BRCC3: variants seen among roughly 807,000 people sequenced by gnomAD.
BRCC3 encodes BRCA1/BRCA2-containing complex subunit 3, also known as lys-63-specific deubiquitinase BRCC36.
A neutral mutation model predicts 28.0 loss-of-function variants in BRCC3; 15 were observed. The ratio of observed to expected loss-of-function variants is 0.54; its 90% CI spans 0.36 to 0.82. The LOEUF (loss-of-function observed/expected upper bound fraction) is 0.82. BRCC3 is among the 40% of genes least tolerant of loss of function. BRCC3 has a pLI of 0.01. For synonymous variants in BRCC3, 66 were observed against 80.3 expected (o/e 0.82, Z 0.95); for missense variants, 109 against 225.9 (o/e 0.48, Z 3.32).
At chrX:155,082,115 G>A (rs2074089481) in intron 5 of BRCC3, among the ~76,000 whole-genome samples, 1 of 112,091 alleles carries the variant, frequency 8.9e-6, no homozygotes, top group Non-Finnish European at 1.9e-5. Flanking sequence ...AGGTTAAGCT[G>A]TATGGGGAAA....
intron 7 of BRCC3, among the ~76,000 whole-genome samples, chrX:155,115,060 T>C (rs2074345712): frequency 8.9e-6 from 1 of 112,159 alleles, no homozygotes; most frequent in Non-Finnish European, 1.9e-5. Context: ...TGGAAGATGA[T>C]GGGGTGACAT....
At chrX:155,116,594 T>C (rs1260282306) in intron 8 of BRCC3, 117 bp from the exon 9 acceptor site, 5 of 424,847 alleles carry the variant, frequency 1.2e-5, no homozygotes, top group Non-Finnish European at 2.0e-5. Flanking sequence ...GAAGTTGATA[T>C]TGGGGATTTA....
chrX:155,108,886 T>C (rs2074300860), intron 7 of BRCC3, among the ~76,000 whole-genome samples: 1 of 111,894 alleles, frequency 8.9e-6, no homozygotes, highest in African/African-American at 3.2e-5. Flanking sequence ...CAAATTATCT[T>C]TTTATCTTTT....
intron 3 of BRCC3, among the ~76,000 whole-genome samples, chrX:155,075,855 C>T (rs2074036335): frequency 1.8e-5 from 2 of 111,815 alleles, no homozygotes; most frequent in African/African-American, 3.3e-5. Flanking sequence ...TGCCATTTCA[C>T]CTCAAGCTCT....
chrX:155,076,581 C>T (rs2074045940), intron 3 of BRCC3, among the ~76,000 whole-genome samples: 1 of 110,135 alleles, frequency 9.1e-6, no homozygotes, highest in Non-Finnish European at 1.9e-5. Context: ...GGGGGAAGTG[C>T]CACACTTTTA....
At chrX:155,076,143 G>C (rs1557293595) in intron 3 of BRCC3, among the ~76,000 whole-genome samples, 1 of 112,047 alleles carries the variant, frequency 8.9e-6, no homozygotes, top group Non-Finnish European at 1.9e-5. Context: ...GGGTGCGGTG[G>C]GTTATGCCTG....
chrX:155,072,139 T>C (rs1412493203), intron 1 of BRCC3, among the ~76,000 whole-genome samples, 188 bp from the exon 2 acceptor site: 1 of 112,046 alleles, frequency 8.9e-6, no homozygotes, highest in Non-Finnish European at 1.9e-5. Flanking sequence ...AAGTTTCCGC[T>C]GCATTGTGTT....
rs2074388501 is a variant in BRCC3 at position 155,121,574 on chromosome X, A to G, written c.*370A>G. On this transcript the variant is annotated 3_prime_UTR_variant, in exon 11 of 11. Transcript: ENST00000330045. ...TTATATAAAATTTAACTCAAAATGT[A>G]TAACGGACTTAAATGTGATACATAA... The G allele has an allele frequency of 8.9e-6, 1 of 112,437 alleles. No homozygotes were observed. Among genetic ancestry groups the G allele is most frequent in the African/African-American group, 3.2e-5 (1 of 30,966 alleles). 9.3% of individuals were successfully genotyped at this position (112,437 alleles called of 1,213,427 possible).
At chrX:155,111,067 T>C (rs782572256) in intron 7 of BRCC3, among the ~76,000 whole-genome samples, 12 of 111,703 alleles carry the variant, frequency 1.1e-4, no homozygotes, top group Non-Finnish European at 2.3e-4. Flanking sequence ...GACACTTATG[T>C]TGGAAATATC....
intron 5 of BRCC3, among the ~76,000 whole-genome samples, chrX:155,080,769 G>C (rs182398531): frequency 8.9e-6 from 1 of 112,021 alleles, no homozygotes; most frequent in African/African-American, 3.2e-5. Context: ...CTATGCCTCT[G>C]TAGTTTCCTC....
chrX:155,093,384 C>T (rs1305559265), intron 7 of BRCC3, among the ~76,000 whole-genome samples: 5 of 109,613 alleles, frequency 4.6e-5, no homozygotes, highest in Admixed American at 1.9e-4. Flanking sequence ...CAATTACTTC[C>T]GTTACTCCCC....
In BRCC3 at chrX:155,077,289, G is replaced by C. The variant is rs2074051953; in HGVS notation, c.315G>C (p.Glu105Asp). ...TGTCTGCAGCTTCAACAGAGGCAGA[G>C]ATATCCTTACTGGTCAATAGAAGCT... is the stretch of plus-strand genomic sequence containing the variant. ...EQLSAASTEA[E>D]RLAELTGRPM... Residue 105 changes from glutamate (E) to aspartate (D), a missense_variant and splice_region_variant, in exon 4 of 11, where the codon GAG becomes GAC. Physicochemically the swap from Glu to Asp is conservative, Grantham distance 45 (BLOSUM62 2). Transcript: ENST00000330045. 8.5e-7 allele frequency: 1 copy of C among 1,176,079 alleles called. No individual in the cohort carries two copies. Among genetic ancestry groups the C allele is most frequent in the African/African-American group, 1.8e-5 (1 of 56,341 alleles).
intron 7 of BRCC3, among the ~76,000 whole-genome samples, chrX:155,111,908 C>T: frequency 8.9e-6 from 1 of 111,740 alleles, no homozygotes; most frequent in African/African-American, 3.2e-5. Flanking sequence ...CAGTGGAGGC[C>T]TGAAACCACA....
At chrX:155,088,097 A>C (rs2124264694) in intron 5 of BRCC3, among the ~76,000 whole-genome samples, 1 of 112,360 alleles carries the variant, frequency 8.9e-6, no homozygotes, top group South Asian at 3.6e-4. Context: ...CAATATTTTC[A>C]GCCAATTTCC....
intron 5 of BRCC3, among the ~76,000 whole-genome samples, chrX:155,085,185 C>G (rs889247106): frequency 8.9e-6 from 1 of 112,037 alleles, no homozygotes; most frequent in African/African-American, 3.3e-5. Context: ...GGGGGGAAAA[C>G]AGTTTCAGTT....
intron 7 of BRCC3, among the ~76,000 whole-genome samples, chrX:155,093,873 T>C (rs1415187880): frequency 9.0e-6 from 1 of 110,534 alleles, no homozygotes; most frequent in Non-Finnish European, 1.9e-5. Context: ...TAGTTTCGGC[T>C]TTTTAAAATT....
intron 3 of BRCC3, among the ~76,000 whole-genome samples, chrX:155,076,140 G>C (rs956854044): frequency 2.7e-5 from 3 of 112,164 alleles, no homozygotes; most frequent in Non-Finnish European, 5.6e-5. Context: ...GCCGGGTGCG[G>C]TGGGTTATGC....
chrX:155,072,791 C>G (rs1174571721), intron 2 of BRCC3, among the ~76,000 whole-genome samples: 4 of 110,121 alleles, frequency 3.6e-5, no homozygotes, highest in Non-Finnish European at 7.6e-5. Context: ...ACTCCTGGCT[C>G]AAGCAGTCTG....
At chrX:155,099,406 G>A in intron 7 of BRCC3, 1 of 1,204,503 alleles carries the variant, frequency 8.3e-7, no homozygotes, top group South Asian at 1.8e-5. Flanking sequence ...GGGCAAAAAG[G>A]GGCCTGTCCC....
Sources: gnomAD v4.1 joint callset for allele counts (sites outside exome capture counted in the v4.1 genomes callset) on GRCh38, gnomAD v4.1.1 for gene constraint, MANE v1.5 for transcripts, NCBI Gene and HGNC (gene_info 2026-07-23, HGNC 2026-07-21) for gene names.